SAMD4A: variants seen among roughly 807,000 people sequenced by gnomAD.
The protein encoded by SAMD4A is sterile alpha motif domain containing 4A.
A neutral mutation model predicts 81.3 loss-of-function variants in SAMD4A; 33 were observed. That is an observed-to-expected ratio of 0.41 (90% CI 0.31 to 0.54). The LOEUF (loss-of-function observed/expected upper bound fraction) is 0.54. SAMD4A is among the 20% of genes least tolerant of loss of function. SAMD4A has a pLI of 0.37. For synonymous variants in SAMD4A, 389 were observed against 382.1 expected, an observed-to-expected ratio of 1.02 and a Z score of -0.21; for missense variants, 854 against 951.1, an observed-to-expected ratio of 0.90 and a Z score of 1.34.
intron 2 of SAMD4A, among the ~76,000 whole-genome samples, chr14:54,689,282 T>A (rs1158562395): frequency 6.6e-6 from 1 of 152,128 alleles, no homozygotes; most frequent in Admixed American, 6.5e-5. Flanking sequence ...CCTCCATACT[T>A]TGTGAACCAG....
intron 2 of SAMD4A, among the ~76,000 whole-genome samples, chr14:54,676,708 C>T (rs17127743): frequency 0.036 from 5,508 of 152,296 alleles, 342 homozygotes; most frequent in African/African-American, 0.13. Context: ...CAGTATATTT[C>T]CACCTTGCCA....
At position 54,760,410 on chromosome 14, in the gene SAMD4A, C is replaced by A; in HGVS notation, c.1426C>A (p.Leu476Met). The A allele has an allele frequency of 6.8e-7, 1 of 1,464,172 alleles. No individual in the cohort carries two copies. The highest frequency in any genetic ancestry group is 8.9e-7 in the Non-Finnish European group (1 of 1,119,930). 90.7% of individuals were successfully genotyped at this position (1,464,172 alleles called of 1,614,324 possible). A position where few individuals can be genotyped will look rare whatever the true frequency, so the allele number is the denominator to read the frequency against. The change falls in exon 7 of 13, where the codon CTG (leucine) becomes ATG (methionine). Residue 476 changes from leucine (L) to methionine (M), a missense_variant. By Grantham distance (15) the Leu-to-Met change is conservative. Coordinates refer to ENST00000554335, the MANE Select transcript of SAMD4A (RefSeq NM_015589.6). ...CAGCGGGGGGCTCCAGCCGCACCAG[C>A]TGAGCAGCTGCGATGGGGAGCTGGC... ...GASGGLQPHQ[L>M]SSCDGELAVA...
At chr14:54,745,754 GT>G (rs888499231) in intron 4 of SAMD4A, among the ~76,000 whole-genome samples, 7 of 152,150 alleles carry the variant, frequency 4.6e-5, no homozygotes, top group Middle Eastern at 3.2e-3. Flanking sequence ...TGACTTTCTA[GT>G]TTGAGACCCC....
At chr14:54,613,017 T>C (rs2034399093) in intron 2 of SAMD4A, among the ~76,000 whole-genome samples, 1 of 151,994 alleles carries the variant, frequency 6.6e-6, no homozygotes, top group Non-Finnish European at 1.5e-5. Context: ...CTCGGGAGGC[T>C]GAGGCAGGAG....
chr14:54,780,960 AT>A (rs1467016409), intron 11 of SAMD4A, among the ~76,000 whole-genome samples: 2 of 149,854 alleles, frequency 1.3e-5, no homozygotes, highest in Non-Finnish European at 3.0e-5. Flanking sequence ...TTTTGTTACC[AT>A]CCTCCCCCTT....
chr14:54,692,896 CAG>C (rs1463598774), intron 2 of SAMD4A: 1 of 102,874 alleles, frequency 9.7e-6, no homozygotes, highest in Non-Finnish European at 2.1e-5. Context: ...GCAAAAAAAT[CAG>C]ACATATAACA....
intron 2 of SAMD4A, among the ~76,000 whole-genome samples, chr14:54,678,312 AC>A (rs2036035805): frequency 2.0e-5 from 3 of 152,078 alleles, no homozygotes; most frequent in Admixed American, 2.0e-4. Context: ...CAGGGAGGGT[AC>A]CTCTAGAATG....
At chr14:54,732,912 C>G (rs898471751) in intron 3 of SAMD4A, among the ~76,000 whole-genome samples, 1 of 152,014 alleles carries the variant, frequency 6.6e-6, no homozygotes, top group African/African-American at 2.4e-5. Flanking sequence ...ACTCTTATTT[C>G]AATAAATAAA....
chr14:54,647,703 T>A (rs1292336623), intron 2 of SAMD4A, among the ~76,000 whole-genome samples: 2 of 152,160 alleles, frequency 1.3e-5, no homozygotes, highest in African/African-American at 4.8e-5. Context: ...AGGGTGGATC[T>A]CAGGGAGGAA....
intron 4 of SAMD4A, among the ~76,000 whole-genome samples, chr14:54,742,342 G>C (rs75028898): frequency 6.6e-6 from 1 of 150,946 alleles, no homozygotes; most frequent in Non-Finnish European, 1.5e-5. Context: ...GAAATAGAAT[G>C]GGGGGGGCAG....
intron 2 of SAMD4A, among the ~76,000 whole-genome samples, chr14:54,624,446 G>A (rs1230607934): frequency 3.9e-5 from 6 of 152,234 alleles, no homozygotes; most frequent in African/African-American, 1.4e-4. Context: ...GAGCCAAGGA[G>A]CCCAAACAGT....
intron 2 of SAMD4A, among the ~76,000 whole-genome samples, chr14:54,569,609 A>G (rs114469101): frequency 1.3e-3 from 193 of 152,330 alleles, no homozygotes; most frequent in African/African-American, 4.5e-3. Flanking sequence ...GTGGAAGCAT[A>G]ATTGGGTAAC....
chr14:54,630,935 T>A (rs2034886884), intron 2 of SAMD4A, among the ~76,000 whole-genome samples: 1 of 151,404 alleles, frequency 6.6e-6, no homozygotes, highest in Non-Finnish European at 1.5e-5. Flanking sequence ...TGTGTGTGTG[T>A]GTGTGTGTGT....
intron 3 of SAMD4A, chr14:54,734,851 T>A (rs993605785): frequency 2.0e-5 from 3 of 152,224 alleles, no homozygotes; most frequent in African/African-American, 7.2e-5. Flanking sequence ...CCTATTCAGT[T>A]ATGGCCTCTA....
chr14:54,666,496 C>T (rs369597068), intron 2 of SAMD4A, among the ~76,000 whole-genome samples: 2 of 152,122 alleles, frequency 1.3e-5, no homozygotes, highest in Non-Finnish European at 2.9e-5. Context: ...CCTGCAAACA[C>T]GGTATTTTCA....
intron 2 of SAMD4A, among the ~76,000 whole-genome samples, chr14:54,595,550 G>A (rs899024229): frequency 6.6e-6 from 1 of 151,530 alleles, no homozygotes; most frequent in African/African-American, 2.4e-5. Flanking sequence ...ACAATACAAG[G>A]AACCAAGGAA....
In SAMD4A at chr14:54,788,938, C is replaced by T; in HGVS notation, c.2151C>T (p.Thr717=). 6.2e-7 allele frequency: 1 copy of T among 1,614,156 alleles called. No homozygotes were observed. Among genetic ancestry groups the T allele is most frequent in the Non-Finnish European group, 8.5e-7 (1 of 1,179,992 alleles). ...ALGDGVDRTS[T]I The stretch of plus-strand genomic sequence containing the variant: ...CAGACGGGGTTGACCGGACCTCCAC[C>T]ATCTAGAAGCTGAAGACGAGAGTGA... The change falls in exon 13 of 13, where the codon ACC becomes ACT. Residue 717 remains threonine, a synonymous_variant. Transcript: ENST00000554335.
rs953833107 is a variant in SAMD4A at position 54,764,019 on chromosome 14, C to T, written c.1511-436C>T. Among the ~76,000 whole-genome samples the T allele has an allele frequency of 2.0e-5, 3 of 152,182 alleles. No homozygotes were observed. In the East Asian group the frequency reaches 5.8e-4, roughly 29 times the overall value. ...AGGTGCCAGCTCGTTCCTCCAAACACAAACGCCGCTGTCTCTGCACCTGGC... is the reference window on the plus strand; with the variant it reads ...AGGTGCCAGCTCGTTCCTCCAAACATAAACGCCGCTGTCTCTGCACCTGGC... On this transcript the variant is annotated intron_variant, in intron 7 of 12. Coordinates refer to ENST00000554335, the MANE Select transcript of SAMD4A (RefSeq NM_015589.6).
intron 2 of SAMD4A, among the ~76,000 whole-genome samples, chr14:54,686,540 C>T (rs1383099867): frequency 7.0e-6 from 1 of 143,196 alleles, no homozygotes; most frequent in African/African-American, 2.6e-5. Context: ...GTTTTTCCAT[C>T]GGGCTCTTTG....
Sources: allele counts gnomAD v4.1 joint callset (sites outside exome capture counted in the v4.1 genomes callset), GRCh38; gene constraint gnomAD v4.1.1; transcripts MANE v1.5; gene names NCBI Gene and HGNC (gene_info 2026-07-23, HGNC 2026-07-21).